HTR1F: variants seen among roughly 807,000 people sequenced by gnomAD.
HTR1F encodes the protein 5-hydroxytryptamine receptor 1F, also known as 5-hydroxytryptamine (serotonin) receptor 1F, G protein-coupled.
HTR1F carries 17 observed loss-of-function variants against 24.0 expected under a neutral mutation model. The observed-to-expected ratio is 0.71, with a 90% confidence interval of 0.48 to 1.06. The LOEUF (loss-of-function observed/expected upper bound fraction) is 1.06. Ranked by LOEUF, HTR1F falls within the 50% of genes least tolerant of loss-of-function variation. The probability of loss-of-function intolerance (pLI) is 0.00; values close to 1 mark genes in which losing one functional copy is unlikely to be tolerated. For missense variants in HTR1F, 391 were observed against 427.8 expected (o/e 0.91, Z 0.76); for synonymous variants, 186 against 156.8 (o/e 1.19, Z -1.39).
chr3:87,970,301 G>T (rs1481331430), intron 2 of HTR1F, among the ~76,000 whole-genome samples: 1 of 152,076 alleles, frequency 6.6e-6, no homozygotes, highest in Non-Finnish European at 1.5e-5. Context: ...GTGGGGGCAG[G>T]GTTTAAAACA....
intron 1 of HTR1F, among the ~76,000 whole-genome samples, chr3:87,818,648 G>T (rs184478981): frequency 6.6e-6 from 1 of 152,090 alleles, no homozygotes; most frequent in Non-Finnish European, 1.5e-5. Flanking sequence ...CCTTAGCCTT[G>T]CTTCTCTCAA....
At chr3:87,946,642 T>TTTG (rs61305370) in intron 2 of HTR1F, among the ~76,000 whole-genome samples, 10 of 139,048 alleles carry the variant, frequency 7.2e-5, no homozygotes, top group East Asian at 4.1e-4. Flanking sequence ...TTTTTTTTTT[T>TTTG]AAACAGTCTC....
intron 2 of HTR1F, among the ~76,000 whole-genome samples, chr3:87,987,705 A>T (rs1705697097): frequency 8.7e-6 from 1 of 115,550 alleles, no homozygotes; most frequent in Admixed American, 9.1e-5. Flanking sequence ...AAATATATGT[A>T]TTATATATAT....
intron 2 of HTR1F, among the ~76,000 whole-genome samples, chr3:87,894,330 C>T (rs572031603): frequency 1.3e-5 from 2 of 151,344 alleles, no homozygotes; most frequent in South Asian, 4.2e-4. Flanking sequence ...GATCACTGCT[C>T]ACTGCAACCT....
chr3:87,839,876 T>C (rs2919242), intron 2 of HTR1F, among the ~76,000 whole-genome samples: 67,711 of 152,012 alleles, frequency 0.45, 18,707 homozygotes, highest in African/African-American at 0.79. Context: ...CCTATTTCTG[T>C]ATTAGTTTGC....
At position 87,841,439 on chromosome 3, in the gene HTR1F, G is replaced by A. The variant is rs1704800294; in HGVS notation, c.-43+19315G>A. ...TTACGATTGCATTATATGTTTAACA[G>A]GAACTAAAATATTAATCCATTCTCC... On this transcript the variant is annotated intron_variant, in intron 2 of 2. Coordinates refer to ENST00000319595, the MANE Select transcript of HTR1F (RefSeq NM_001322209.2). Among the ~76,000 whole-genome samples the A allele has an allele frequency of 5.9e-5, 9 of 151,806 alleles. No individual in the cohort carries two copies. In the South Asian group the frequency reaches 1.9e-3, roughly 32 times the overall value.
intron 2 of HTR1F, among the ~76,000 whole-genome samples, chr3:87,983,072 C>T (rs891518459): frequency 2.6e-5 from 4 of 152,044 alleles, no homozygotes; most frequent in East Asian, 1.9e-4. Flanking sequence ...GACAAACTAA[C>T]GGGAACATAA....
chr3:87,908,403 G>A (rs986583800), intron 2 of HTR1F, among the ~76,000 whole-genome samples: 2 of 151,782 alleles, frequency 1.3e-5, no homozygotes, highest in African/African-American at 4.8e-5. Context: ...AAGTCTTCTC[G>A]GTACCTTATT....
At chr3:87,867,155 C>T (rs1405261055) in intron 2 of HTR1F, among the ~76,000 whole-genome samples, 1 of 151,734 alleles carries the variant, frequency 6.6e-6, no homozygotes, top group Non-Finnish European at 1.5e-5. Context: ...TAGGAAATTC[C>T]CTCTTCAAAC....
chr3:87,980,598 G>A (rs1437381792), intron 2 of HTR1F, among the ~76,000 whole-genome samples: 1 of 152,118 alleles, frequency 6.6e-6, no homozygotes, highest in East Asian at 1.9e-4. Flanking sequence ...GGGTTTCACT[G>A]GGGGCTTGCT....
At chr3:87,815,729 C>A (rs553531835) in intron 1 of HTR1F, among the ~76,000 whole-genome samples, 1 of 152,192 alleles carries the variant, frequency 6.6e-6, no homozygotes, top group Admixed American at 6.5e-5. Flanking sequence ...TTACTTTACA[C>A]TGAAGGCAAA....
At chr3:87,897,441 C>T (rs1706224465) in intron 2 of HTR1F, among the ~76,000 whole-genome samples, 1 of 151,980 alleles carries the variant, frequency 6.6e-6, no homozygotes, top group Non-Finnish European at 1.5e-5. Context: ...TCAGTGCAAC[C>T]TTGTCAGATA....
chr3:87,837,064 T>G (rs1156906561), intron 2 of HTR1F, among the ~76,000 whole-genome samples: 2 of 152,122 alleles, frequency 1.3e-5, no homozygotes, highest in East Asian at 3.8e-4. Flanking sequence ...AGAAGGACTT[T>G]TTTCCTTAAC....
At chr3:87,990,474 T>C (rs532372000) in intron 2 of HTR1F, among the ~76,000 whole-genome samples, 3 of 152,328 alleles carry the variant, frequency 2.0e-5, no homozygotes, top group South Asian at 2.1e-4. Context: ...TTAAAAATTG[T>C]TGTATTTAAC....
intron 2 of HTR1F, among the ~76,000 whole-genome samples, chr3:87,954,731 TAAG>T (rs2107468281): frequency 6.6e-6 from 1 of 151,714 alleles, no homozygotes; most frequent in South Asian, 2.1e-4. Flanking sequence ...TATAAACATG[TAAG>T]GAGAATGGGG....
At chr3:87,827,293 C>T (rs1704485213) in intron 2 of HTR1F, among the ~76,000 whole-genome samples, 1 of 152,014 alleles carries the variant, frequency 6.6e-6, no homozygotes, top group Non-Finnish European at 1.5e-5. Context: ...ATTCCCCTCC[C>T]TGTGTCCATG....
chr3:87,987,495 T>C (rs1193884710), intron 2 of HTR1F, among the ~76,000 whole-genome samples: 1 of 151,398 alleles, frequency 6.6e-6, no homozygotes, highest in Non-Finnish European at 1.5e-5. Flanking sequence ...TTAGGAAATA[T>C]GGTCATAGCA....
At chr3:87,821,035 A>G (rs1196957032) in intron 1 of HTR1F, among the ~76,000 whole-genome samples, 1 of 152,184 alleles carries the variant, frequency 6.6e-6, no homozygotes, top group Non-Finnish European at 1.5e-5. Context: ...CCAATGAATA[A>G]ACCAACCCTT....
At chr3:87,976,130 G>A (rs2107503346) in intron 2 of HTR1F, among the ~76,000 whole-genome samples, 2 of 152,144 alleles carry the variant, frequency 1.3e-5, no homozygotes, top group South Asian at 4.2e-4. Context: ...AAAGAGAAAA[G>A]TAGATTAAAG....
Sources: gnomAD v4.1 joint callset for allele counts (sites outside exome capture counted in the v4.1 genomes callset) on GRCh38, gnomAD v4.1.1 for gene constraint, MANE v1.5 for transcripts, NCBI Gene and HGNC (gene_info 2026-07-23, HGNC 2026-07-21) for gene names.